RIC1: variants seen among roughly 807,000 people sequenced by gnomAD.
The protein encoded by RIC1 is RIC1 partner of RAB6A GEF complex, also known as guanine nucleotide exchange factor subunit RIC1.
A neutral mutation model predicts 169.0 loss-of-function variants in RIC1; 88 were observed. The ratio of observed to expected loss-of-function variants is 0.52; its 90% confidence interval spans 0.44 to 0.62. The LOEUF (loss-of-function observed/expected upper bound fraction) is 0.62, where lower values mean the gene tolerates loss of function less well. Ranked by LOEUF, RIC1 falls within the 20% of genes least tolerant of loss-of-function variation. RIC1 has a pLI of 0.00. For synonymous variants in RIC1, 790 were observed against 601.5 expected, an observed-to-expected ratio of 1.31 and a Z score of -4.59; for missense variants, 1,877 against 1,725.5, an observed-to-expected ratio of 1.09 and a Z score of -1.56.
chr9:5,701,455 A>T (rs1822214686), intron 3 of RIC1, among the ~76,000 whole-genome samples: 1 of 152,054 alleles, frequency 6.6e-6, no homozygotes, highest in South Asian at 2.1e-4. Context: ...TCTACTAACA[A>T]TACAAAAATT....
chr9:5,645,789 T>C (rs1818478163), intron 1 of RIC1, among the ~76,000 whole-genome samples: 1 of 152,202 alleles, frequency 6.6e-6, no homozygotes, highest in Non-Finnish European at 1.5e-5. Flanking sequence ...TTTTGTTTTA[T>C]TCATTCATCT....
rs138404105 is a variant in RIC1, at chr9:5,740,640, G to C, written c.901+2102G>C. Among the ~76,000 whole-genome samples, 383 of 150,974 alleles carry C rather than the reference G, an allele frequency of 2.5e-3. 1 individual carries two copies. Among genetic ancestry groups the C allele is most frequent in the African/African-American group, 8.9e-3 (365 of 41,082 alleles). On this transcript the variant is annotated intron_variant, in intron 8 of 25. Coordinates refer to ENST00000414202, the MANE Select transcript of RIC1 (RefSeq NM_020829.4). The stretch of plus-strand genomic sequence containing the variant: ...GAAGCATCCAGCACACGAGATGTAG[G>C]CTGGGGGGCTAGGCCCGTCTCTATT...
At position 5,642,728 on chromosome 9, in the gene RIC1, G is replaced by A. The variant is rs1818312534; in HGVS notation, c.144+13275G>A. 2.5e-5 allele frequency among the ~76,000 whole-genome samples: 3 copies of A among 117,754 alleles called. 1 individual carries two copies. The highest frequency in any genetic ancestry group is 1.5e-4 in the African/African-American group (3 of 20,400). The allele number at this position is 117,754 out of a possible 152,430, so 77.3% of individuals were successfully genotyped here. On this transcript the variant is annotated intron_variant, in intron 1 of 25. Transcript: ENST00000414202. ...GCCACTGCCGGGCAGTCATCTTCAG[G>A]TGTTTATGAATCATTAACATAATCC...
intron 6 of RIC1, among the ~76,000 whole-genome samples, chr9:5,724,181 C>G (rs1823802984): frequency 6.6e-6 from 1 of 152,174 alleles, no homozygotes; most frequent in South Asian, 2.1e-4. Context: ...TTGATTCTTC[C>G]TATCCATGAG....
chr9:5,658,596 AC>A (rs1273775244), intron 2 of RIC1, among the ~76,000 whole-genome samples: 3 of 152,120 alleles, frequency 2.0e-5, no homozygotes, highest in Non-Finnish European at 1.5e-5. Context: ...ATTCAGTACA[AC>A]CCGAAGTAGA....
At chr9:5,688,071 C>G (rs1057020993) in intron 2 of RIC1, among the ~76,000 whole-genome samples, 1 of 152,134 alleles carries the variant, frequency 6.6e-6, no homozygotes, top group Non-Finnish European at 1.5e-5. Flanking sequence ...TCTATATTGC[C>G]TAACCTTTGG....
chr9:5,688,835 A>T (rs1586952209), intron 2 of RIC1, among the ~76,000 whole-genome samples: 1 of 152,080 alleles, frequency 6.6e-6, no homozygotes, highest in African/African-American at 2.4e-5. Flanking sequence ...CTCTAAAATG[A>T]TAGGAATTCA....
At chr9:5,740,692 C>G (rs1389667126) in intron 8 of RIC1, among the ~76,000 whole-genome samples, 2 of 151,522 alleles carry the variant, frequency 1.3e-5, no homozygotes, top group Admixed American at 6.6e-5. Context: ...TGCTTATATT[C>G]TAGCCGCACT....
At chr9:5,636,367 T>C (rs1440224971) in intron 1 of RIC1, among the ~76,000 whole-genome samples, 1 of 152,214 alleles carries the variant, frequency 6.6e-6, no homozygotes, top group Non-Finnish European at 1.5e-5. Flanking sequence ...TCACCGAGGC[T>C]GGAGTGCAAT....
At chr9:5,736,940 G>T (rs1587068818) in intron 7 of RIC1, among the ~76,000 whole-genome samples, 1 of 150,720 alleles carries the variant, frequency 6.6e-6, no homozygotes, top group Non-Finnish European at 1.5e-5. Context: ...GATGGGAATG[G>T]ATCAAAGCTG....
intron 3 of RIC1, among the ~76,000 whole-genome samples, chr9:5,691,722 T>C (rs1821600390): frequency 6.6e-6 from 1 of 151,740 alleles, no homozygotes; most frequent in Admixed American, 6.6e-5. Flanking sequence ...TAAACTACTA[T>C]GTTTGTTTTA....
intron 6 of RIC1, among the ~76,000 whole-genome samples, chr9:5,727,391 G>T (rs891300663): frequency 6.6e-6 from 1 of 152,154 alleles, no homozygotes; most frequent in African/African-American, 2.4e-5. Flanking sequence ...GCTCCATCAC[G>T]TCATTTTAGG....
In RIC1 at chr9:5,679,267, G is replaced by A. The variant is rs191723268; in HGVS notation, c.253-10692G>A. On this transcript the variant is annotated intron_variant, in intron 2 of 25. Transcript: ENST00000414202. ...GCCTTATAGTATAGTTTGAAGTCAG[G>A]TAGTGTGATGCCTCCAGCTTTGTTC... Among the ~76,000 whole-genome samples, 576 of 152,320 alleles carry A rather than the reference G, an allele frequency of 3.8e-3. 2 individuals carry two copies. The highest frequency in any genetic ancestry group is 6.2e-3 in the Non-Finnish European group (419 of 68,032).
chr9:5,636,505 A>G (rs1030273187), intron 1 of RIC1, among the ~76,000 whole-genome samples: 1 of 152,028 alleles, frequency 6.6e-6, no homozygotes, highest in Non-Finnish European at 1.5e-5. Flanking sequence ...TTTTTAGTAG[A>G]GACAGGGTTT....
intron 1 of RIC1, among the ~76,000 whole-genome samples, chr9:5,646,691 A>T (rs904789547): frequency 6.6e-6 from 1 of 152,120 alleles, no homozygotes; most frequent in Admixed American, 6.5e-5. Context: ...TTGCCTAGTG[A>T]TGCATTTCTT....
chr9:5,752,014 T>A (rs1825752103), intron 12 of RIC1, among the ~76,000 whole-genome samples: 1 of 152,202 alleles, frequency 6.6e-6, no homozygotes, highest in Non-Finnish European at 1.5e-5. Context: ...AGACTCTTTG[T>A]TCAGTTCTGT....
intron 9 of RIC1, 57 bp from the exon 10 acceptor site, chr9:5,743,632 A>T (rs1194656308): frequency 1.5e-6 from 2 of 1,303,078 alleles, no homozygotes; most frequent in Admixed American, 2.2e-5. Context: ...ACTAAATTTT[A>T]TGTGTATTAT....
chr9:5,739,104 A>G (rs1016337299), intron 8 of RIC1, among the ~76,000 whole-genome samples: 27 of 152,126 alleles, frequency 1.8e-4, no homozygotes, highest in African/African-American at 6.5e-4. Context: ...TTTGCAAGGC[A>G]TCAGTCAAGG....
chr9:5,753,586 T>C lies in RIC1; in HGVS notation c.1542T>C (p.Phe514=), dbSNP rs766262908. 6.2e-7 allele frequency: 1 copy of C among 1,612,428 alleles called. No homozygotes were observed. Among genetic ancestry groups the C allele is most frequent in the South Asian group, 1.1e-5 (1 of 90,752 alleles). Residue 514 remains phenylalanine (F), a synonymous_variant, in exon 14 of 26, where the codon TTT becomes TTC. Transcript: ENST00000414202. ...LGQNIAVVGK[F]GFAHYSLLTK... is the part of the protein sequence containing the mutation. ...AGAATATTGCTGTGGTTGGCAAGTT[T>C]GGTTTTGCACATTACTCTTTACTCA...
Sources: allele counts gnomAD v4.1 joint callset (sites outside exome capture counted in the v4.1 genomes callset), GRCh38; gene constraint gnomAD v4.1.1; transcripts MANE v1.5; gene names NCBI Gene and HGNC (gene_info 2026-07-23, HGNC 2026-07-21).